KAZN: variants seen among roughly 807,000 people sequenced by gnomAD.
KAZN encodes the protein kazrin, periplakin interacting protein.
Under a neutral mutation model 87.4 loss-of-function variants are expected in KAZN, and 40 were observed. The observed-to-expected ratio is 0.46, with a 90% CI of 0.36 to 0.60. The LOEUF is 0.60. Among genes scored for constraint, KAZN ranks in the 20% least tolerant of loss-of-function variants. The probability of loss-of-function intolerance (pLI) is 0.00; values close to 1 mark genes in which losing one functional copy is unlikely to be tolerated. For missense variants in KAZN, 898 were observed against 1,073.9 expected, an observed-to-expected ratio of 0.84 and a Z score of 2.29; for synonymous variants, 466 against 458.3, an observed-to-expected ratio of 1.02 and a Z score of -0.22.
chr1:14,710,750 C>A (rs960031942), intron 1 of KAZN, among the ~76,000 whole-genome samples: 1 of 152,170 alleles, frequency 6.6e-6, no homozygotes, highest in Non-Finnish European at 1.5e-5. Flanking sequence ...CAGCATTTGA[C>A]CTTTTGTGTA....
At chr1:14,252,493 C>G (rs1258042864) in intron 2 of KAZN, among the ~76,000 whole-genome samples, 3 of 152,140 alleles carry the variant, frequency 2.0e-5, no homozygotes. Flanking sequence ...CTTTCCTACC[C>G]CAGGACCTTT....
chr1:14,476,057 T>G (rs1479225117), intron 2 of KAZN, among the ~76,000 whole-genome samples: 1 of 152,146 alleles, frequency 6.6e-6, no homozygotes, highest in East Asian at 1.9e-4. Flanking sequence ...AGGCAGGTAA[T>G]AGTACTCTGC....
At chr1:13,977,641 G>T (rs1382852143) in intron 1 of KAZN, among the ~76,000 whole-genome samples, 2 of 152,136 alleles carry the variant, frequency 1.3e-5, no homozygotes, top group African/African-American at 2.4e-5. Context: ...CTGATTCACA[G>T]GAAGGAAAAA....
chr1:14,587,868 G>A (rs990035794), intron 2 of KAZN, among the ~76,000 whole-genome samples: 1 of 152,112 alleles, frequency 6.6e-6, no homozygotes, highest in African/African-American at 2.4e-5. Flanking sequence ...AAAAAAAGAT[G>A]ACTGTTCCAA....
At chr1:14,085,718 TC>T (rs1423816262) in intron 1 of KAZN, among the ~76,000 whole-genome samples, 3 of 152,216 alleles carry the variant, frequency 2.0e-5, no homozygotes, top group Admixed American at 6.5e-5. Context: ...CTATAAACAT[TC>T]ACATACAAGT....
Position 14,498,243 on chromosome 1 carries a change from C to T in KAZN, c.250-100740C>T, listed in dbSNP as rs370411463. ...TCATAAGCTCCTAGCTCAAAGGACT[C>T]GTTCCTCCACCTCCTATTGGTAGCA... On this transcript the variant is annotated intron_variant, in intron 2 of 16. Coordinates refer to the KAZN transcript ENST00000636203. 7.0e-4 allele frequency among the ~76,000 whole-genome samples: 106 copies of T among 152,338 alleles called. 1 individual carries two copies. Among genetic ancestry groups the T allele is most frequent in the East Asian group, 6.2e-3 (32 of 5,182 alleles).
chr1:14,833,791 T>G (rs1468941272), intron 1 of KAZN, among the ~76,000 whole-genome samples: 1 of 152,118 alleles, frequency 6.6e-6, no homozygotes, highest in Non-Finnish European at 1.5e-5. Context: ...AGCCAGGTGT[T>G]GCCGCTCCAA....
chr1:13,994,105 G>T (rs1639404840), intron 1 of KAZN, among the ~76,000 whole-genome samples: 1 of 152,126 alleles, frequency 6.6e-6, no homozygotes, highest in Admixed American at 6.5e-5. Flanking sequence ...AGTAGCCAGG[G>T]AACTCCATGA....
intron 1 of KAZN, among the ~76,000 whole-genome samples, chr1:14,738,490 A>C (rs1402059193): frequency 6.6e-6 from 1 of 152,086 alleles, no homozygotes; most frequent in Non-Finnish European, 1.5e-5. Flanking sequence ...AATTGTCTCC[A>C]AGCATCCAAT....
At chr1:14,362,055 A>C (rs1215703560) in intron 2 of KAZN, among the ~76,000 whole-genome samples, 4 of 152,326 alleles carry the variant, frequency 2.6e-5, no homozygotes, top group Admixed American at 6.5e-5. Context: ...CCAGTGTATT[A>C]GTTAGCTATT....
chr1:14,171,008 G>T (rs145804255), intron 1 of KAZN, among the ~76,000 whole-genome samples: 1 of 152,174 alleles, frequency 6.6e-6, no homozygotes, highest in African/African-American at 2.4e-5. Flanking sequence ...CACCGCTCCT[G>T]GCCCTCTGTA....
chr1:14,229,875 T>C (rs989611808), intron 2 of KAZN, among the ~76,000 whole-genome samples: 1 of 152,252 alleles, frequency 6.6e-6, no homozygotes, highest in South Asian at 2.1e-4. Flanking sequence ...TGTGGCTCAT[T>C]TGGTCCAGCA....
intron 2 of KAZN, among the ~76,000 whole-genome samples, chr1:14,423,028 A>G (rs999697381): frequency 9.2e-5 from 14 of 152,230 alleles, no homozygotes; most frequent in Admixed American, 3.3e-4. Context: ...TTTTGCTCAA[A>G]TTATCACTTT....
intron 1 of KAZN, among the ~76,000 whole-genome samples, chr1:13,933,981 G>T (rs534151412): frequency 3.3e-5 from 5 of 152,136 alleles, no homozygotes; most frequent in Admixed American, 1.3e-4. Flanking sequence ...GATGAGAAAA[G>T]AAAGCCAGCT....
At chr1:14,979,919 C>G (rs576111586) in intron 2 of KAZN, among the ~76,000 whole-genome samples, 1 of 152,158 alleles carries the variant, frequency 6.6e-6, no homozygotes, top group Admixed American at 6.5e-5. Context: ...GACAGAGTCT[C>G]GCTCTGTTGC....
At chr1:14,607,167 A>C (rs1006283165) in intron 1 of KAZN, among the ~76,000 whole-genome samples, 5 of 152,228 alleles carry the variant, frequency 3.3e-5, no homozygotes, top group African/African-American at 1.2e-4. Context: ...AGGATCATTG[A>C]TTTAATGATA....
chr1:14,013,615 G>A (rs368281758), intron 1 of KAZN, among the ~76,000 whole-genome samples: 3 of 152,154 alleles, frequency 2.0e-5, no homozygotes, highest in South Asian at 2.1e-4. Context: ...GGAAGGGTTC[G>A]ATGGAAAATA....
At chr1:13,957,409 A>G (rs190408686) in intron 1 of KAZN, among the ~76,000 whole-genome samples, 9 of 152,330 alleles carry the variant, frequency 5.9e-5, no homozygotes, top group African/African-American at 1.2e-4. Context: ...TGCCCTTCAG[A>G]CAGTAAAAGG....
At chr1:13,911,711 C>G (rs1158982089) in intron 1 of KAZN, among the ~76,000 whole-genome samples, 1 of 152,108 alleles carries the variant, frequency 6.6e-6, no homozygotes, top group African/African-American at 2.4e-5. Flanking sequence ...CAGACAGAAG[C>G]ATTTTGAGTT....
Sources: allele counts gnomAD v4.1 joint callset (sites outside exome capture counted in the v4.1 genomes callset), GRCh38; gene constraint gnomAD v4.1.1; transcripts MANE v1.5; gene names NCBI Gene and HGNC (gene_info 2026-07-23, HGNC 2026-07-21).